The following ROBO2 variants were observed in gnomAD, a reference collection of about 807,000 sequenced individuals.
ROBO2 encodes the protein roundabout homolog 2.
A neutral mutation model predicts 160.8 loss-of-function variants in ROBO2; 53 were observed. That is an observed-to-expected ratio of 0.33 (90% confidence interval 0.26 to 0.41). The LOEUF is 0.41. Among genes scored for constraint, ROBO2 ranks in the 10% least tolerant of loss-of-function variants. The probability of loss-of-function intolerance (pLI) is 1.00; values close to 1 mark genes in which losing one functional copy is unlikely to be tolerated. For missense variants in ROBO2, 1,577 were observed against 1,722.4 expected, an observed-to-expected ratio of 0.92 and a Z score of 1.49; for synonymous variants, 664 against 611.7, an observed-to-expected ratio of 1.09 and a Z score of -1.26.
chr3:76,267,942 G>A (rs144208991), intron 2 of ROBO2, among the ~76,000 whole-genome samples: 5,843 of 152,140 alleles, frequency 0.038, 329 homozygotes, highest in African/African-American at 0.12. Context: ...AAGTAGCTAT[G>A]TCCTCAGACC....
chr3:77,145,541 A>T (rs979847031), intron 2 of ROBO2, among the ~76,000 whole-genome samples: 1 of 152,236 alleles, frequency 6.6e-6, no homozygotes, highest in African/African-American at 2.4e-5. Flanking sequence ...AATATTGTTT[A>T]GGCTTTTACG....
chr3:76,856,791 G>T (rs928759275), intron 2 of ROBO2, among the ~76,000 whole-genome samples: 5 of 152,096 alleles, frequency 3.3e-5, no homozygotes, highest in Non-Finnish European at 7.4e-5. Context: ...AAAAAATACA[G>T]TTCAGCAAAT....
At chr3:76,098,906 T>C (rs1214870681) in intron 2 of ROBO2, among the ~76,000 whole-genome samples, 1 of 152,192 alleles carries the variant, frequency 6.6e-6, no homozygotes. Context: ...TCTCATATTT[T>C]TCTTAGGCAC....
chr3:76,685,419 T>C (rs1490631124), intron 2 of ROBO2, among the ~76,000 whole-genome samples: 1 of 152,142 alleles, frequency 6.6e-6, no homozygotes, highest in Admixed American at 6.6e-5. Context: ...GAGTTTTAAA[T>C]TATTGAAAAA....
At chr3:76,893,090 C>T (rs1025251244) in intron 2 of ROBO2, among the ~76,000 whole-genome samples, 1 of 152,092 alleles carries the variant, frequency 6.6e-6, no homozygotes, top group East Asian at 1.9e-4. Flanking sequence ...AGAATAATTG[C>T]CATTTTTATC....
At chr3:76,115,669 T>A (rs189366815) in intron 2 of ROBO2, among the ~76,000 whole-genome samples, 139 of 152,210 alleles carry the variant, frequency 9.1e-4, no homozygotes, top group Non-Finnish European at 1.0e-3. Flanking sequence ...GAAATTTTTT[T>A]AAAAAATTAA....
At chr3:76,499,574 C>A (rs2080348985) in intron 2 of ROBO2, among the ~76,000 whole-genome samples, 1 of 152,176 alleles carries the variant, frequency 6.6e-6, no homozygotes, top group Non-Finnish European at 1.5e-5. Flanking sequence ...GCTTTGATCA[C>A]CCAATCAGTC....
At chr3:76,863,482 A>G (rs1577106156) in intron 2 of ROBO2, among the ~76,000 whole-genome samples, 1 of 152,060 alleles carries the variant, frequency 6.6e-6, no homozygotes, top group South Asian at 2.1e-4. Context: ...ATAAAGCAGA[A>G]AAAAACCAAA....
chr3:76,323,809 A>T (rs557741673), intron 2 of ROBO2, among the ~76,000 whole-genome samples: 1 of 152,320 alleles, frequency 6.6e-6, no homozygotes, highest in African/African-American at 2.4e-5. Flanking sequence ...ACTCCAGCAC[A>T]TGCCTCCTTG....
chr3:76,047,012 T>G (rs561551950), intron 2 of ROBO2, among the ~76,000 whole-genome samples: 1 of 152,322 alleles, frequency 6.6e-6, no homozygotes, highest in African/African-American at 2.4e-5. Flanking sequence ...AGTTTAAATA[T>G]TTTATATTTG....
At chr3:77,249,193 G>A (rs989687177) in intron 2 of ROBO2, among the ~76,000 whole-genome samples, 2 of 151,832 alleles carry the variant, frequency 1.3e-5, no homozygotes, top group African/African-American at 4.8e-5. Flanking sequence ...GTGAGAACTG[G>A]AAAAAAACAA....
intron 2 of ROBO2, among the ~76,000 whole-genome samples, chr3:77,289,492 A>C (rs1397252794): frequency 4.0e-5 from 6 of 151,632 alleles, no homozygotes; most frequent in Non-Finnish European, 8.8e-5. Flanking sequence ...CTAAAGATAT[A>C]AAGTAAAATT....
At chr3:76,657,684 A>G (rs2091615724) in intron 2 of ROBO2, among the ~76,000 whole-genome samples, 1 of 117,848 alleles carries the variant, frequency 8.5e-6, no homozygotes, top group East Asian at 2.0e-4. Flanking sequence ...ATATACATAT[A>G]TGTGTGTATA....
intron 2 of ROBO2, among the ~76,000 whole-genome samples, chr3:76,407,209 A>G (rs941979968): frequency 2.0e-5 from 3 of 151,788 alleles, no homozygotes; most frequent in Non-Finnish European, 2.9e-5. Flanking sequence ...TTTACATTTT[A>G]CGTAGAGAGA....
chr3:76,573,566 A>G (rs1306890646), intron 2 of ROBO2, among the ~76,000 whole-genome samples: 1 of 147,770 alleles, frequency 6.8e-6, no homozygotes, highest in Admixed American at 6.7e-5. Flanking sequence ...CCAATCTTAT[A>G]TCTAATTTTG....
intron 2 of ROBO2, among the ~76,000 whole-genome samples, chr3:76,072,648 T>C (rs758040278): frequency 5.3e-5 from 8 of 152,220 alleles, no homozygotes; most frequent in Non-Finnish European, 1.2e-4. Context: ...TCAGAAATAG[T>C]ATTTCTTAAT....
chr3:77,216,371 G>A (rs181963718), intron 2 of ROBO2, among the ~76,000 whole-genome samples: 35 of 152,280 alleles, frequency 2.3e-4, no homozygotes, highest in African/African-American at 7.9e-4. Context: ...AGGACCCTCT[G>A]AGCCAGGCAC....
chr3:77,263,285 T>A (rs1216811881), intron 2 of ROBO2, among the ~76,000 whole-genome samples: 1 of 152,186 alleles, frequency 6.6e-6, no homozygotes, highest in African/African-American at 2.4e-5. Context: ...TCAGGGAAAA[T>A]GTGCAGGTTT....
At chr3:76,829,891 C>A (rs1435757577) in intron 2 of ROBO2, among the ~76,000 whole-genome samples, 1 of 152,152 alleles carries the variant, frequency 6.6e-6, no homozygotes, top group Non-Finnish European at 1.5e-5. Flanking sequence ...TGGTTTCGAA[C>A]CTCTGATCTC....
Sources: gnomAD v4.1 joint callset for allele counts (sites outside exome capture counted in the v4.1 genomes callset) on GRCh38, gnomAD v4.1.1 for gene constraint, MANE v1.5 for transcripts, NCBI Gene and HGNC (gene_info 2026-07-23, HGNC 2026-07-21) for gene names.